The following MLLT10 variants were observed in gnomAD, a reference collection of about 807,000 sequenced individuals.
MLLT10 encodes the protein MLLT10 histone lysine methyltransferase DOT1L cofactor.
A neutral mutation model predicts 129.1 loss-of-function variants in MLLT10; 30 were observed. The ratio of observed to expected loss-of-function variants is 0.23; its 90% CI spans 0.17 to 0.32. The LOEUF is 0.32. Among genes scored for constraint, MLLT10 ranks in the 10% least tolerant of loss-of-function variants. MLLT10 has a pLI of 1.00. For missense variants in MLLT10, 1,119 were observed against 1,268.3 expected, an observed-to-expected ratio of 0.88 and a Z score of 1.79; for synonymous variants, 490 against 446.4, an observed-to-expected ratio of 1.10 and a Z score of -1.23.
chr10:21,588,041 G>T (rs1564462423), intron 4 of MLLT10, among the ~76,000 whole-genome samples: 3 of 151,674 alleles, frequency 2.0e-5, no homozygotes, highest in African/African-American at 7.3e-5. Context: ...CAATTTATCT[G>T]TTTTTTTTGA....
chr10:21,619,043 C>G (rs2045553749), intron 8 of MLLT10, among the ~76,000 whole-genome samples: 1 of 151,270 alleles, frequency 6.6e-6, no homozygotes, highest in East Asian at 1.9e-4. Flanking sequence ...CACACACACA[C>G]ACACACACAC....
intron 3 of MLLT10, among the ~76,000 whole-genome samples, chr10:21,540,092 T>G (rs74497279): frequency 6.6e-6 from 1 of 151,706 alleles, no homozygotes; most frequent in South Asian, 2.1e-4. Context: ...AAAAGAAAAA[T>G]TTTAAAAATT....
rs1554849915 is a variant in MLLT10 at position 21,689,563 on chromosome 10, A to ATG, written c.1699+7308_1699+7309dup. Among the ~76,000 whole-genome samples the ATG allele has an allele frequency of 4.4e-3, 395 of 89,348 alleles. 1 individual carries two copies. The Middle Eastern group carries it at 0.052, about 12-fold the overall frequency. The allele number at this position is 89,348 out of a possible 152,430, so 58.6% of individuals were successfully genotyped here. A position where few individuals can be genotyped will look rare whatever the true frequency, so the allele number is the denominator to read the frequency against. ...TGTAAAGTAATATATATATATATAT[A>ATG]TGTATATATATATATATATATATAT... On this transcript the variant is annotated intron_variant, in intron 13 of 22. Transcript: ENST00000307729.
intron 22 of MLLT10, among the ~76,000 whole-genome samples, chr10:21,741,501 T>G (rs912010009): frequency 6.7e-6 from 1 of 149,732 alleles, no homozygotes; most frequent in South Asian, 2.1e-4. Context: ...GTGATTTCAG[T>G]CTTTAATAAT....
At chr10:21,689,561 A>G (rs1029388172) in intron 13 of MLLT10, among the ~76,000 whole-genome samples, 15 of 90,146 alleles carry the variant, frequency 1.7e-4, no homozygotes, top group Admixed American at 2.4e-4. Context: ...ATATATATAT[A>G]TATGTATATA....
At chr10:21,596,859 T>C (rs1457487404) in intron 5 of MLLT10, among the ~76,000 whole-genome samples, 2 of 152,120 alleles carry the variant, frequency 1.3e-5, no homozygotes, top group East Asian at 1.9e-4. Flanking sequence ...TAACATTTGG[T>C]TTTTAATTTT....
intron 9 of MLLT10, among the ~76,000 whole-genome samples, chr10:21,665,473 C>A (rs939004884): frequency 2.6e-5 from 4 of 151,734 alleles, no homozygotes; most frequent in African/African-American, 9.7e-5. Flanking sequence ...TTTTTAGTAG[C>A]TACAGGGTTT....
intron 9 of MLLT10, among the ~76,000 whole-genome samples, chr10:21,652,908 C>A (rs1416525468): frequency 6.6e-6 from 1 of 152,082 alleles, no homozygotes; most frequent in African/African-American, 2.4e-5. Context: ...ACCTGACTTT[C>A]TTACAGATAA....
At chr10:21,689,565 G>GTATATATATATATATATATATGTA (rs2053624776) in intron 13 of MLLT10, among the ~76,000 whole-genome samples, 9 of 113,454 alleles carry the variant, frequency 7.9e-5, no homozygotes, top group African/African-American at 2.8e-4. Context: ...ATATATATAT[G>GTATATATATATATATATATATGTA]TATATATATA....
chr10:21,663,746 T>C (rs2050455919), intron 9 of MLLT10, among the ~76,000 whole-genome samples: 1 of 152,118 alleles, frequency 6.6e-6, no homozygotes, highest in Non-Finnish European at 1.5e-5. Flanking sequence ...TAAATATTTT[T>C]TAGTAGAGAC....
intron 21 of MLLT10, among the ~76,000 whole-genome samples, chr10:21,737,953 C>T (rs1589920750): frequency 1.3e-5 from 2 of 152,148 alleles, no homozygotes; most frequent in South Asian, 4.1e-4. Context: ...GTTAAAGGCA[C>T]ACTGCATGTA....
At chr10:21,721,203 A>T (rs1487929735) in intron 14 of MLLT10, among the ~76,000 whole-genome samples, 2 of 151,846 alleles carry the variant, frequency 1.3e-5, no homozygotes, top group Non-Finnish European at 2.9e-5. Context: ...ATTGTGCATT[A>T]AAAAAAATGC....
intron 13 of MLLT10, among the ~76,000 whole-genome samples, chr10:21,691,125 C>T (rs559492287): frequency 8.0e-4 from 121 of 152,130 alleles, no homozygotes; most frequent in Non-Finnish European, 1.3e-3. Context: ...AAAGGCAGTT[C>T]GATCATGTTT....
chr10:21,667,426 G>T (rs1410138547), intron 9 of MLLT10, among the ~76,000 whole-genome samples: 2 of 149,132 alleles, frequency 1.3e-5, no homozygotes, highest in Admixed American at 6.7e-5. Flanking sequence ...AGTTTTGTGG[G>T]GATTTTTTGT....
Position 21,742,081 on chromosome 10 carries a change from A to G in MLLT10, c.*98A>G. The G allele has an allele frequency of 1.9e-6, 2 of 1,057,282 alleles. No homozygotes were observed. The highest frequency in any genetic ancestry group is 2.8e-5 in the South Asian group (2 of 71,598). The allele number at this position is 1,057,282 out of a possible 1,614,324, so 65.5% of individuals were successfully genotyped here. On this transcript the variant is annotated 3_prime_UTR_variant, in exon 23 of 23. Transcript: ENST00000307729. The stretch of plus-strand genomic sequence containing the variant: ...TACTACAGCTATGAAGAAACGCAAC[A>G]AGAAACTCAATGCACAACAAAGGAT...
chr10:21,727,804 C>T, intron 15 of MLLT10, 52 bp from the exon 16 acceptor site: 1 of 1,414,830 alleles, frequency 7.1e-7, no homozygotes, highest in Non-Finnish European at 1.0e-6. Flanking sequence ...GAGTTTAAAA[C>T]CTCTTATCTA....
At chr10:21,625,718 C>G (rs1035710736) in intron 8 of MLLT10, 1 of 768,308 alleles carries the variant, frequency 1.3e-6, no homozygotes, top group Non-Finnish European at 2.4e-6. Flanking sequence ...TTGTTTGCCA[C>G]AGAAATGCGC....
intron 11 of MLLT10, 126 bp from the exon 12 acceptor site, chr10:21,681,206 T>A: frequency 8.4e-7 from 1 of 1,189,356 alleles, no homozygotes; most frequent in Non-Finnish European, 1.2e-6. Context: ...GTTTTTGAAG[T>A]TCTAGGTGGC....
chr10:21,715,367 T>C (rs944257275), intron 14 of MLLT10, among the ~76,000 whole-genome samples: 2 of 152,170 alleles, frequency 1.3e-5, no homozygotes, highest in African/African-American at 4.8e-5. Context: ...CAACTTGATA[T>C]AGAGGAGTTT....
Sources: allele counts gnomAD v4.1 joint callset (sites outside exome capture counted in the v4.1 genomes callset), GRCh38; gene constraint gnomAD v4.1.1; transcripts MANE v1.5; gene names NCBI Gene and HGNC (gene_info 2026-07-23, HGNC 2026-07-21).